PRR16: variants seen among roughly 807,000 people sequenced by gnomAD.
PRR16 encodes protein Largen.
Under a neutral mutation model 18.2 loss-of-function variants are expected in PRR16, and 6 were observed. The ratio of observed to expected loss-of-function variants is 0.33; its 90% CI spans 0.18 to 0.65. The LOEUF is 0.65. Ranked by LOEUF, PRR16 falls within the 30% of genes least tolerant of loss-of-function variation. The pLI is 0.74. For missense variants in PRR16, 412 were observed against 376.6 expected (o/e 1.09, Z -0.78); for synonymous variants, 151 against 147.8 (o/e 1.02, Z -0.16).
At chr5:120,700,144 G>A in the PRR16 span, among the ~76,000 whole-genome samples, 3 of 152,120 alleles carry the variant, frequency 2.0e-5, no homozygotes, top group Admixed American at 6.6e-5. Flanking sequence ...TTGGCACCAC[G>A]GGGTGGATAG....
the PRR16 span, among the ~76,000 whole-genome samples, chr5:120,745,121 A>C: frequency 1.3e-5 from 2 of 152,206 alleles, no homozygotes; most frequent in African/African-American, 4.8e-5. Context: ...TAAGAAGATA[A>C]TGAGATTGTC....
chr5:120,752,257 C>T, the PRR16 span, among the ~76,000 whole-genome samples: 7 of 151,954 alleles, frequency 4.6e-5, no homozygotes, highest in African/African-American at 1.7e-4. Context: ...AGAGAAGACC[C>T]ATGTGAAATA....
At chr5:120,721,624 G>C in the PRR16 span, among the ~76,000 whole-genome samples, 865 of 152,132 alleles carry the variant, frequency 5.7e-3, 13 homozygotes, top group African/African-American at 0.019. Context: ...TGAGCAAGTA[G>C]TGGAAGGAAG....
intron 1 of PRR16, among the ~76,000 whole-genome samples, chr5:120,495,129 G>A (rs1750201110): frequency 6.6e-6 from 1 of 151,870 alleles, no homozygotes; most frequent in Admixed American, 6.6e-5. Context: ...CTACTATACT[G>A]CTGGAGTTAG....
In PRR16 at chr5:120,499,868, C is replaced by T. The variant is rs1041095188; in HGVS notation, c.159+35223C>T. 4.0e-4 allele frequency among the ~76,000 whole-genome samples: 61 copies of T among 151,806 alleles called. 1 individual carries two copies. Among genetic ancestry groups the T allele is most frequent in the African/African-American group, 1.3e-3 (55 of 41,286 alleles). ...TTTAGGTATTACATTATGAGAGTCT[C>T]GGAAGGTGGTGTAACATGTCACTAC... On this transcript the variant is annotated intron_variant, in intron 1 of 1. Transcript: ENST00000407149.
chr5:120,634,134 A>G (rs1755151137), intron 1 of PRR16, among the ~76,000 whole-genome samples: 2 of 152,254 alleles, frequency 1.3e-5, no homozygotes, highest in South Asian at 2.1e-4. Context: ...AGTCCTCAAA[A>G]CCATGCTAAC....
At chr5:120,673,310 G>A (rs1580865233) in intron 1 of PRR16, among the ~76,000 whole-genome samples, 2 of 152,318 alleles carry the variant, frequency 1.3e-5, no homozygotes, top group East Asian at 3.9e-4. Context: ...AGTGGTGCAT[G>A]ATGATTTGGG....
intron 1 of PRR16, among the ~76,000 whole-genome samples, chr5:120,610,014 G>T (rs1754284229): frequency 1.3e-5 from 2 of 152,156 alleles, no homozygotes; most frequent in African/African-American, 4.8e-5. Context: ...TCCTGCCACA[G>T]TCTAATCCCA....
intron 1 of PRR16, among the ~76,000 whole-genome samples, chr5:120,637,134 T>C (rs1755254570): frequency 6.6e-6 from 1 of 151,688 alleles, no homozygotes; most frequent in Non-Finnish European, 1.5e-5. Context: ...CAAAAAATAA[T>C]AGATGATGGC....
chr5:120,473,856 G>T (rs1346427255), intron 1 of PRR16, among the ~76,000 whole-genome samples: 1 of 152,188 alleles, frequency 6.6e-6, no homozygotes, highest in Non-Finnish European at 1.5e-5. Context: ...ATTATAATGG[G>T]ATGAATAGTG....
chr5:120,477,048 A>G (rs1298316941), intron 1 of PRR16, among the ~76,000 whole-genome samples: 1 of 151,916 alleles, frequency 6.6e-6, no homozygotes, highest in Admixed American at 6.6e-5. Flanking sequence ...AAGAATTACC[A>G]TTTCACTTCA....
At chr5:120,627,432 A>G (rs1754904214) in intron 1 of PRR16, among the ~76,000 whole-genome samples, 1 of 152,052 alleles carries the variant, frequency 6.6e-6, no homozygotes. Flanking sequence ...GCATATAGTA[A>G]ATGGGAACTG....
intron 1 of PRR16, among the ~76,000 whole-genome samples, chr5:120,544,402 T>C (rs1440268232): frequency 6.6e-6 from 1 of 152,196 alleles, no homozygotes; most frequent in Admixed American, 6.6e-5. Flanking sequence ...TATGCTAGTC[T>C]GTAATTTCTG....
At chr5:120,769,150 C>T in the PRR16 span, among the ~76,000 whole-genome samples, 2 of 150,986 alleles carry the variant, frequency 1.3e-5, no homozygotes, top group Non-Finnish European at 3.0e-5. Context: ...CTTTAAATTT[C>T]TTTAGTCCTC....
At chr5:120,754,476 TTATATAA>T in the PRR16 span, among the ~76,000 whole-genome samples, 4 of 92,006 alleles carry the variant, frequency 4.3e-5, no homozygotes, top group Admixed American at 3.4e-4. Flanking sequence ...ATAGTATATA[TTATATAA>T]TATATAGTAT....
intron 1 of PRR16, among the ~76,000 whole-genome samples, chr5:120,575,581 A>G (rs1753050895): frequency 6.6e-6 from 1 of 152,182 alleles, no homozygotes; most frequent in African/African-American, 2.4e-5. Flanking sequence ...ATAGATGCAG[A>G]TGAAGCATTT....
At chr5:120,468,800 T>C (rs767623482) in intron 1 of PRR16, among the ~76,000 whole-genome samples, 12 of 152,366 alleles carry the variant, frequency 7.9e-5, no homozygotes, top group Non-Finnish European at 1.6e-4. Context: ...GATTCTCTTT[T>C]AGTTTAGACT....
chr5:120,682,560 A>G (rs1156949359), intron 1 of PRR16, among the ~76,000 whole-genome samples: 1 of 152,134 alleles, frequency 6.6e-6, no homozygotes, highest in Non-Finnish European at 1.5e-5. Context: ...CTGCCCTCCT[A>G]AAAGACCTGT....
At chr5:120,665,649 G>A (rs1269848655) in intron 1 of PRR16, among the ~76,000 whole-genome samples, 2 of 152,196 alleles carry the variant, frequency 1.3e-5, no homozygotes, top group South Asian at 2.1e-4. Flanking sequence ...GTGTAAGGAA[G>A]GGATCCAGTT....
Sources: allele counts gnomAD v4.1 joint callset (sites outside exome capture counted in the v4.1 genomes callset), GRCh38; gene constraint gnomAD v4.1.1; transcripts MANE v1.5; gene names NCBI Gene and HGNC (gene_info 2026-07-23, HGNC 2026-07-21).